Variants in P2RY8 observed in about 807,000 individuals in gnomAD.
P2RY8 encodes the protein P2Y receptor family member 8.
In P2RY8, 6 loss-of-function variants were observed where a neutral mutation model predicts 10.0. The observed-to-expected ratio is 0.60, with a 90% CI of 0.33 to 1.19. The LOEUF is 1.19. Ranked by LOEUF, P2RY8 falls within the 50% of genes most tolerant of loss-of-function variation. The pLI is 0.04. For synonymous variants in P2RY8, 276 were observed against 252.5 expected, an observed-to-expected ratio of 1.09 and a Z score of -0.88; for missense variants, 456 against 542.0, an observed-to-expected ratio of 0.84 and a Z score of 1.58.
At chrX:1,517,314 A>G (rs1175131445) in intron 1 of P2RY8, among the ~76,000 whole-genome samples, 1 of 152,100 alleles carries the variant, frequency 6.6e-6, no homozygotes, top group Non-Finnish European at 1.5e-5. Flanking sequence ...CCCAGGAGAG[A>G]GGCCTCAGGA....
intron 1 of P2RY8, among the ~76,000 whole-genome samples, chrX:1,516,347 G>A (rs1192212625): frequency 9.2e-5 from 14 of 152,142 alleles, no homozygotes; most frequent in Middle Eastern, 3.2e-3. Context: ...GACACAGGGA[G>A]AAGACGGTGT....
At chrX:1,522,430 C>A (rs1246843593) in intron 1 of P2RY8, among the ~76,000 whole-genome samples, 2 of 152,096 alleles carry the variant, frequency 1.3e-5, no homozygotes, top group African/African-American at 4.8e-5. Context: ...ACTTTAAATG[C>A]AATCCTCAGA....
At chrX:1,521,373 C>T (rs1472523671) in intron 1 of P2RY8, among the ~76,000 whole-genome samples, 3 of 152,026 alleles carry the variant, frequency 2.0e-5, no homozygotes, top group Non-Finnish European at 4.4e-5. Flanking sequence ...CTAATATTCT[C>T]TCTGTCCCCA....
At chrX:1,534,713 G>A (rs2092511776) in intron 1 of P2RY8, among the ~76,000 whole-genome samples, 1 of 152,100 alleles carries the variant, frequency 6.6e-6, no homozygotes, top group African/African-American at 2.4e-5. Flanking sequence ...GACGAGAGGG[G>A]GCCATCTGCC....
At chrX:1,495,628 G>A (rs1471939479) in intron 1 of P2RY8, among the ~76,000 whole-genome samples, 7 of 142,880 alleles carry the variant, frequency 4.9e-5, no homozygotes, top group East Asian at 2.0e-4. Context: ...TGGGATAGTC[G>A]TTCGAAATGG....
At chrX:1,471,073 T>G (rs1340044013) in intron 1 of P2RY8, among the ~76,000 whole-genome samples, 25 of 151,312 alleles carry the variant, frequency 1.7e-4, no homozygotes, top group African/African-American at 6.1e-4. Context: ...AATGGTGTGA[T>G]CTCGGCTCTC....
chrX:1,508,700 TCCATTCTATCTATCTATCTA>T (rs2092257897), intron 1 of P2RY8, among the ~76,000 whole-genome samples: 1 of 91,344 alleles, frequency 1.1e-5, no homozygotes, highest in South Asian at 3.4e-4. Flanking sequence ...CATCCATCCA[TCCATTCTATCTATCTATCTA>T]TCTATCTATC....
rs369079145 is a variant in P2RY8, at chrX:1,510,847, C to G, written c.-25+26074G>C. Among the ~76,000 whole-genome samples the G allele has an allele frequency of 7.9e-5, 12 of 151,348 alleles. No individual in the cohort carries two copies. The East Asian group carries it at 2.1e-3, about 27-fold the overall frequency. On this transcript the variant is annotated intron_variant, in intron 1 of 1. Coordinates refer to ENST00000381297, the MANE Select transcript of P2RY8 (RefSeq NM_178129.5). ...TGAGCCGTGATCGCGTCACTGCACTCCAGCCTGGGCAACAGAGTGTGACTC... is the reference window on the plus strand; with the variant it reads ...TGAGCCGTGATCGCGTCACTGCACTGCAGCCTGGGCAACAGAGTGTGACTC...
intron 1 of P2RY8, among the ~76,000 whole-genome samples, chrX:1,491,679 A>G (rs1218621623): frequency 6.6e-6 from 1 of 151,842 alleles, no homozygotes; most frequent in African/African-American, 2.4e-5. Context: ...CTCTGAGAAT[A>G]CAGAGCGAAT....
intron 1 of P2RY8, among the ~76,000 whole-genome samples, chrX:1,476,681 C>A (rs1286121273): frequency 1.3e-5 from 2 of 151,908 alleles, no homozygotes; most frequent in African/African-American, 4.8e-5. Flanking sequence ...ACAAGGGTCA[C>A]CTAGAAGGCT....
At chrX:1,535,452 T>C (rs1301266644) in intron 1 of P2RY8, among the ~76,000 whole-genome samples, 1 of 151,668 alleles carries the variant, frequency 6.6e-6, no homozygotes, top group Admixed American at 6.6e-5. Flanking sequence ...CCTCCCAAAG[T>C]GCTGGGATTA....
intron 1 of P2RY8, among the ~76,000 whole-genome samples, chrX:1,534,401 C>A (rs1282383089): frequency 6.6e-6 from 1 of 151,804 alleles, no homozygotes; most frequent in Non-Finnish European, 1.5e-5. Context: ...TGAGCTCAGT[C>A]TGGTCCTTGG....
At chrX:1,525,275 T>C (rs1317420644) in intron 1 of P2RY8, among the ~76,000 whole-genome samples, 16 of 152,220 alleles carry the variant, frequency 1.1e-4, no homozygotes, top group Non-Finnish European at 4.4e-5. Flanking sequence ...TAGGACCTTA[T>C]TTGGAAATAG....
At chrX:1,493,238 A>C (rs2092072395) in intron 1 of P2RY8, among the ~76,000 whole-genome samples, 2 of 148,666 alleles carry the variant, frequency 1.3e-5, no homozygotes, top group South Asian at 4.3e-4. Context: ...CAGTGAGCAG[A>C]GGTCACGCCA....
intron 1 of P2RY8, among the ~76,000 whole-genome samples, chrX:1,468,354 C>T (rs2091722067): frequency 6.6e-6 from 1 of 152,204 alleles, no homozygotes; most frequent in Admixed American, 6.5e-5. Context: ...GTGTCTGTAC[C>T]TGTGTGGTCT....
At chrX:1,479,592 T>C (rs1224366569) in intron 1 of P2RY8, among the ~76,000 whole-genome samples, 2 of 152,130 alleles carry the variant, frequency 1.3e-5, no homozygotes, top group African/African-American at 4.8e-5. Flanking sequence ...AAATAAATCA[T>C]AAATATTAGA....
rs1230238517 is a variant in P2RY8, at chrX:1,464,055, C to G, written c.*1424G>C. ...GAGAGAGGCACCAATAGAGGGCCTC[C>G]GAACAGCAGCTTCAGCCTCCATCAG... On this transcript the variant is annotated 3_prime_UTR_variant, in exon 2 of 2. Transcript: ENST00000381297. The G allele has an allele frequency of 2.1e-5, 5 of 233,158 alleles. No homozygotes were observed. The highest frequency in any genetic ancestry group is 4.2e-5 in the Non-Finnish European group (5 of 118,054). 14.4% of individuals were successfully genotyped at this position (233,158 alleles called of 1,614,324 possible).
chrX:1,533,462 ATAT>A (rs1412805140), intron 1 of P2RY8, among the ~76,000 whole-genome samples: 107 of 142,378 alleles, frequency 7.5e-4, no homozygotes, highest in Middle Eastern at 3.7e-3. Context: ...GTATATTTAT[ATAT>A]TATTTATTCT....
chrX:1,490,754 T>A (rs1455774398), intron 1 of P2RY8, among the ~76,000 whole-genome samples: 1 of 149,016 alleles, frequency 6.7e-6, no homozygotes, highest in East Asian at 2.0e-4. Flanking sequence ...AATGAATGAA[T>A]GATACCCCAG....
Sources: allele counts gnomAD v4.1 joint callset (sites outside exome capture counted in the v4.1 genomes callset), GRCh38; gene constraint gnomAD v4.1.1; transcripts MANE v1.5; gene names NCBI Gene and HGNC (gene_info 2026-07-23, HGNC 2026-07-21).